DTWD2: variants seen among roughly 807,000 people sequenced by gnomAD.
The protein encoded by DTWD2 is DTW motif tRNA-uridine aminocarboxypropyltransferase 2.
DTWD2 carries 39 observed loss-of-function variants against 31.8 expected under a neutral mutation model. That is an observed-to-expected ratio of 1.22 (90% CI 0.95 to 1.60). The LOEUF (loss-of-function observed/expected upper bound fraction) is 1.60, where lower values mean the gene tolerates loss of function less well. Among genes scored for constraint, DTWD2 ranks in the 40% most tolerant of loss-of-function variants. The pLI is 0.00. For synonymous variants in DTWD2, 180 were observed against 142.8 expected, an observed-to-expected ratio of 1.26 and a Z score of -1.86; for missense variants, 515 against 381.5, an observed-to-expected ratio of 1.35 and a Z score of -2.92.
At chr5:118,862,088 A>G (rs868381462) in intron 4 of DTWD2, among the ~76,000 whole-genome samples, 6 of 152,220 alleles carry the variant, frequency 3.9e-5, no homozygotes, top group African/African-American at 1.2e-4. Context: ...CCACCACAGC[A>G]CTAGATTCTC....
chr5:118,876,925 A>G (rs899066569), intron 4 of DTWD2, among the ~76,000 whole-genome samples: 3 of 152,216 alleles, frequency 2.0e-5, no homozygotes, highest in African/African-American at 7.2e-5. Context: ...ACACAATAAA[A>G]AAAGAAAACT....
intron 5 of DTWD2, among the ~76,000 whole-genome samples, chr5:118,844,793 C>A (rs1293776922): frequency 6.6e-6 from 1 of 152,164 alleles, no homozygotes; most frequent in East Asian, 1.9e-4. Context: ...GTGCCAAGTT[C>A]TTTATTTTGA....
intron 4 of DTWD2, among the ~76,000 whole-genome samples, chr5:118,852,275 T>C (rs562629008): frequency 6.6e-6 from 1 of 152,336 alleles, no homozygotes; most frequent in South Asian, 2.1e-4. Flanking sequence ...ACACATGTTT[T>C]ACAATCAATT....
chr5:118,872,331 A>G (rs944438515), intron 4 of DTWD2, among the ~76,000 whole-genome samples: 1 of 152,216 alleles, frequency 6.6e-6, no homozygotes. Context: ...TTGGCTATCT[A>G]GCTTGGTACA....
intron 4 of DTWD2, among the ~76,000 whole-genome samples, chr5:118,870,588 C>T (rs374475157): frequency 6.6e-6 from 1 of 152,186 alleles, no homozygotes; most frequent in East Asian, 1.9e-4. Flanking sequence ...TTTTAAAATA[C>T]TTTATGGCTA....
At chr5:118,914,964 C>T (rs1226702521) in intron 4 of DTWD2, among the ~76,000 whole-genome samples, 3 of 152,150 alleles carry the variant, frequency 2.0e-5, no homozygotes, top group Non-Finnish European at 4.4e-5. Context: ...TTCTGGCTCA[C>T]GCCTATAATC....
intron 4 of DTWD2, among the ~76,000 whole-genome samples, chr5:118,883,405 A>AATTCCAAAG (rs1282731593): frequency 2.6e-5 from 4 of 152,152 alleles, no homozygotes; most frequent in African/African-American, 9.7e-5. Flanking sequence ...CCTGTTACCA[A>AATTCCAAAG]ATTCCAAAGC....
intron 4 of DTWD2, among the ~76,000 whole-genome samples, chr5:118,890,256 T>C (rs1256858677): frequency 6.6e-6 from 1 of 152,238 alleles, no homozygotes; most frequent in Non-Finnish European, 1.5e-5. Flanking sequence ...CATTAAGTCA[T>C]ATTGTTTGTC....
intron 4 of DTWD2, among the ~76,000 whole-genome samples, chr5:118,921,784 T>C (rs1472296484): frequency 6.6e-6 from 1 of 152,210 alleles, no homozygotes; most frequent in Non-Finnish European, 1.5e-5. Flanking sequence ...TGTGTTAAAA[T>C]GTAAACCAAC....
intron 3 of DTWD2, among the ~76,000 whole-genome samples, chr5:118,933,878 CTAAA>C (rs202062539): frequency 0.14 from 20,675 of 145,244 alleles, 2,281 homozygotes; most frequent in African/African-American, 0.31. Context: ...GGGAACTGAC[CTAAA>C]TAAATAAATA....
intron 1 of DTWD2, among the ~76,000 whole-genome samples, chr5:118,980,428 A>AT (rs2149603595): frequency 6.6e-6 from 1 of 152,330 alleles, no homozygotes; most frequent in South Asian, 2.1e-4. Context: ...TGGCCCAGGA[A>AT]TTTCATGTCT....
intron 1 of DTWD2, among the ~76,000 whole-genome samples, chr5:118,950,213 CAAAAAAAAAAAAAA>C (rs764214153): frequency 2.0e-5 from 1 of 49,600 alleles, no homozygotes; most frequent in African/African-American, 7.8e-5. Flanking sequence ...ACTCCATCTC[CAAAAAAAAAAAAAA>C]AAAAAAAAAA....
intron 1 of DTWD2, among the ~76,000 whole-genome samples, chr5:118,956,072 A>G (rs918323400): frequency 6.6e-6 from 1 of 152,190 alleles, no homozygotes; most frequent in South Asian, 2.1e-4. Context: ...CATGTCACAG[A>G]TTTTCAATTT....
At position 118,842,928 on chromosome 5, in the gene DTWD2, C is replaced by G. The variant is rs541683431; in HGVS notation, c.727-1841G>C. 2.7e-5 allele frequency among the ~76,000 whole-genome samples: 4 copies of G among 148,252 alleles called. No individual in the cohort carries two copies. In the East Asian group the frequency reaches 6.1e-4, roughly 23 times the overall value. On this transcript the variant is annotated intron_variant, in intron 5 of 5. Coordinates refer to ENST00000510708, the MANE Select transcript of DTWD2 (RefSeq NM_173666.4). The stretch of plus-strand genomic sequence containing the variant: ...TACCACTGCACTCCAGCCTTGGTGA[C>G]AGAATGAGAAACTTTCTTCTTCCTC...
chr5:118,949,990 C>T (rs183197201), intron 1 of DTWD2, among the ~76,000 whole-genome samples: 305 of 152,202 alleles, frequency 2.0e-3, no homozygotes, highest in African/African-American at 7.0e-3. Flanking sequence ...GCGGGCAGAT[C>T]ACGAGGTCAG....
At chr5:118,873,782 A>C (rs1752562172) in intron 4 of DTWD2, among the ~76,000 whole-genome samples, 1 of 152,202 alleles carries the variant, frequency 6.6e-6, no homozygotes, top group South Asian at 2.1e-4. Flanking sequence ...GGCACAGAGA[A>C]GGCACCTAGA....
chr5:118,906,919 T>C (rs111847404), intron 4 of DTWD2, among the ~76,000 whole-genome samples: 1,921 of 152,322 alleles, frequency 0.013, 39 homozygotes, highest in African/African-American at 0.044. Context: ...ATCACATTTT[T>C]AGTAGACTTT....
intron 1 of DTWD2, among the ~76,000 whole-genome samples, chr5:118,961,962 C>T (rs115246979): frequency 0.02 from 3,008 of 152,268 alleles, 102 homozygotes; most frequent in African/African-American, 0.069. Flanking sequence ...TTCTTTGCTG[C>T]CAGGCGCAGT....
At position 118,836,616 on chromosome 5, in the gene DTWD2, T is replaced by C. The variant is rs892134270; in HGVS notation, c.*4301A>G. Among the ~76,000 whole-genome samples the C allele has an allele frequency of 2.6e-5, 4 of 152,366 alleles. No individual in the cohort carries two copies. The highest frequency in any genetic ancestry group is 2.0e-4 in the Admixed American group (3 of 15,304). Reference sequence around the variant, plus strand: ...TTTTAGTAGAGTACAGGAGTTGCTATGGTCTGAATATTTGTGTCCCCACAA... The same window carrying C: ...TTTTAGTAGAGTACAGGAGTTGCTACGGTCTGAATATTTGTGTCCCCACAA... On this transcript the variant is annotated 3_prime_UTR_variant, in exon 6 of 6. Transcript: ENST00000510708.
Sources: allele counts gnomAD v4.1 joint callset (sites outside exome capture counted in the v4.1 genomes callset), GRCh38; gene constraint gnomAD v4.1.1; transcripts MANE v1.5; gene names NCBI Gene and HGNC (gene_info 2026-07-23, HGNC 2026-07-21).